Variants in PPP4R3B observed in about 807,000 individuals in gnomAD.
PPP4R3B encodes the protein serine/threonine-protein phosphatase 4 regulatory subunit 3B.
A neutral mutation model predicts 95.4 loss-of-function variants in PPP4R3B; 52 were observed. The observed-to-expected ratio is 0.54, with a 90% CI of 0.44 to 0.69. PPP4R3B has a LOEUF of 0.69. Among genes scored for constraint, PPP4R3B ranks in the 30% least tolerant of loss-of-function variants. The pLI is 0.00. For synonymous variants in PPP4R3B, 407 were observed against 343.9 expected, an observed-to-expected ratio of 1.18 and a Z score of -2.03; for missense variants, 1,003 against 1,005.9, an observed-to-expected ratio of 1.00 and a Z score of 0.04.
In PPP4R3B at chr2:55,598,332, A is replaced by C. The variant is rs1281922596; in HGVS notation, c.921+84T>G. ...TTAAACAAAATAAATCTTTCAAAAA[A>C]TAGAGGGTATAAACACCTGCTTGAA... On this transcript the variant is annotated intron_variant, in intron 4 of 16. Transcript: ENST00000616407. The C allele has an allele frequency of 7.5e-6, 10 of 1,339,314 alleles. No individual in the cohort carries two copies. In the East Asian group the frequency reaches 9.5e-5, roughly 13 times the overall value. The allele number at this position is 1,339,314 out of a possible 1,614,324, so 83.0% of individuals were successfully genotyped here. A position where few individuals can be genotyped will look rare whatever the true frequency, so the allele number is the denominator to read the frequency against.
chr2:55,564,754 A>AG, intron 14 of PPP4R3B, 148 bp downstream of exon 14: 1 of 853,996 alleles, frequency 1.2e-6, no homozygotes, highest in Admixed American at 3.1e-5. Context: ...GATATGGGGT[A>AG]GGGGGGACGC....
chr2:55,598,708 A>G lies in PPP4R3B; in HGVS notation c.629T>C (p.Phe210Ser), dbSNP rs79146946. The change falls in exon 4 of 17, where the codon TTT becomes TCT. Residue 210 changes from phenylalanine (F) to serine (S), a missense_variant. Around this residue, in one of 3 missense-constraint regions of PPP4R3B, gnomAD observed 695 missense variants for 686.2 expected, o/e 1.01. Transcript: ENST00000616407. ...ACACTCATCAGAAAACATTACCTCA[A>G]AAAGAGTTGCCTTATTTAGGAATAA... ...GILFLNKATL[F>S]EVMFSDECIM... 4.1e-3 allele frequency: 6,623 copies of G among 1,614,208 alleles called. 22 individuals carry two copies. The highest frequency in any genetic ancestry group is 5.1e-3 in the Non-Finnish European group (5,970 of 1,180,038).
intron 12 of PPP4R3B, among the ~76,000 whole-genome samples, chr2:55,572,660 G>A (rs1053643055): frequency 6.6e-6 from 1 of 152,122 alleles, no homozygotes; most frequent in African/African-American, 2.4e-5. Flanking sequence ...ACATTAAAAA[G>A]TATAAAACAG....
In PPP4R3B at chr2:55,549,288, A is replaced by G. The variant is rs1362990455; in HGVS notation, c.*623T>C. ...GTTTGAATTGAGCTTGTTTTCATCA[A>G]TATACATATTGAAAATTCCTGGTGT... On this transcript the variant is annotated 3_prime_UTR_variant, in exon 17 of 17. Transcript: ENST00000616407. 1 of 152,902 alleles carries G rather than the reference A, an allele frequency of 6.5e-6. No individual in the cohort carries two copies. The highest frequency in any genetic ancestry group is 2.4e-5 in the African/African-American group (1 of 41,456). The allele number at this position is 152,902 out of a possible 1,614,324, so 9.5% of individuals were successfully genotyped here. A position where few individuals can be genotyped will look rare whatever the true frequency, so the allele number is the denominator to read the frequency against.
chr2:55,584,578 T>C lies in PPP4R3B; in HGVS notation c.1233+473A>G, dbSNP rs150851012. On this transcript the variant is annotated intron_variant, in intron 7 of 16. Transcript: ENST00000616407. ...ATCCTCATAGCTTAGCTCTCACTTA[T>C]GAGTTGAGAACATACGATGTTTGGT... 2.0e-4 allele frequency among the ~76,000 whole-genome samples: 31 copies of C among 152,336 alleles called. No homozygotes were observed. In the East Asian group the frequency reaches 5.4e-3, roughly 27 times the overall value.
rs558897062 is a variant in PPP4R3B at position 55,612,945 on chromosome 2, C to CAAA, written c.198+2503_198+2505dup. ...TGGACGACAGAGCGAGACTCCATCT[C>CAAA]AAAAAAAAAAAAAAAATTAGTCAAG... is the stretch of plus-strand genomic sequence containing the variant. On this transcript the variant is annotated intron_variant, in intron 2 of 16. Transcript: ENST00000616407. Among the ~76,000 whole-genome samples the CAAA allele has an allele frequency of 3.1e-3, 381 of 121,070 alleles. 3 individuals carry two copies. Among genetic ancestry groups the CAAA allele is most frequent in the Admixed American group, 5.5e-3 (64 of 11,668 alleles). 79.4% of individuals were successfully genotyped at this position (121,070 alleles called of 152,430 possible). A position where few individuals can be genotyped will look rare whatever the true frequency, so the allele number is the denominator to read the frequency against.
chr2:55,558,738 G>A (rs1553461022), intron 16 of PPP4R3B, 37 bp downstream of exon 16: 12 of 1,406,722 alleles, frequency 8.5e-6, no homozygotes. Flanking sequence ...TCACAGACGG[G>A]AAAAGCAAAG....
chr2:55,595,864 A>G (rs540551872), intron 4 of PPP4R3B, among the ~76,000 whole-genome samples: 4 of 152,200 alleles, frequency 2.6e-5, no homozygotes, highest in Non-Finnish European at 5.9e-5. Flanking sequence ...GATCCACAAT[A>G]CTAAGTATAT....
chr2:55,553,733 C>T (rs551980227), intron 16 of PPP4R3B, among the ~76,000 whole-genome samples: 1 of 152,252 alleles, frequency 6.6e-6, no homozygotes, highest in South Asian at 2.1e-4. Flanking sequence ...TGGTTTACTT[C>T]AATTACCACA....
chr2:55,567,896 A>G (rs1000504773), intron 13 of PPP4R3B: 1 of 165,506 alleles, frequency 6.0e-6, no homozygotes, highest in African/African-American at 2.4e-5. Context: ...TCAAGTAAAT[A>G]TGGGCTGAAA....
chr2:55,598,365 G>A (rs765438063), intron 4 of PPP4R3B, 51 bp downstream of exon 4: 6 of 1,565,634 alleles, frequency 3.8e-6, no homozygotes, highest in African/African-American at 1.4e-5. Context: ...GAACTATTAA[G>A]GGAACTAAAT....
intron 13 of PPP4R3B, among the ~76,000 whole-genome samples, chr2:55,566,146 T>C (rs1347914319): frequency 6.6e-6 from 1 of 152,112 alleles, no homozygotes; most frequent in Non-Finnish European, 1.5e-5. Flanking sequence ...AACACACAGG[T>C]CATTTCTTGA....
At chr2:55,611,005 A>AC (rs752500147) in intron 2 of PPP4R3B, among the ~76,000 whole-genome samples, 3 of 151,948 alleles carry the variant, frequency 2.0e-5, no homozygotes, top group Non-Finnish European at 4.4e-5. Flanking sequence ...AGCTGGGACT[A>AC]CAGGTGTGTG....
chr2:55,615,664 G>C (rs1295598670), intron 1 of PPP4R3B, among the ~76,000 whole-genome samples, 158 bp from the exon 2 acceptor site: 1 of 151,892 alleles, frequency 6.6e-6, no homozygotes, highest in Non-Finnish European at 1.5e-5. Flanking sequence ...GACCATTCCA[G>C]CCAACATGGT....
intron 16 of PPP4R3B, among the ~76,000 whole-genome samples, chr2:55,554,060 A>T (rs945913244): frequency 1.3e-5 from 2 of 152,146 alleles, no homozygotes; most frequent in African/African-American, 2.4e-5. Context: ...CAAAGCTGCT[A>T]CACCATTTTA....
At position 55,579,775 on chromosome 2, in the gene PPP4R3B, C is replaced by T. The variant is rs746528353; in HGVS notation, c.1372G>A (p.Glu458Lys). ...AAAAAATTTAGAAATTCACTTTTTT[C>T]GGTTTTCTGAAACATAGAATTTTTT... Reference protein sequence around the residue: ...ENMLATTNKTEKSEFLNFFYN... With the variant: ...ENMLATTNKTKKSEFLNFFYN... The change falls in exon 9 of 17, where the codon GAA (glutamate) becomes AAA (lysine). Residue 458 changes from glutamate (E) to lysine (K), a missense_variant. Glu to Lys is a moderately conservative substitution (Grantham distance 56, BLOSUM62 1). Coordinates refer to ENST00000616407, the MANE Select transcript of PPP4R3B (RefSeq NM_001122964.3). 12 of 1,593,438 alleles carry T rather than the reference C, an allele frequency of 7.5e-6. No individual in the cohort carries two copies. Among genetic ancestry groups the T allele is most frequent in the Non-Finnish European group, 1.0e-5 (12 of 1,171,618 alleles).
intron 11 of PPP4R3B, among the ~76,000 whole-genome samples, chr2:55,574,256 T>C (rs937906546): frequency 1.3e-5 from 2 of 151,308 alleles, no homozygotes; most frequent in African/African-American, 4.9e-5. Flanking sequence ...TTAGGCAGAC[T>C]CTCCAGAAGC....
intron 1 of PPP4R3B, chr2:55,616,435 G>A (rs1332358006): frequency 6.6e-6 from 1 of 152,154 alleles, no homozygotes; most frequent in Non-Finnish European, 1.5e-5. Context: ...ACTATAAAAG[G>A]CATTTTAATT....
chr2:55,603,903 G>T, intron 3 of PPP4R3B, 75 bp downstream of exon 3: 2 of 1,028,506 alleles, frequency 1.9e-6, no homozygotes, highest in Non-Finnish European at 2.9e-6. Flanking sequence ...ATCCTAATAT[G>T]TTTGAAGTAA....
Sources: allele counts gnomAD v4.1 joint callset (sites outside exome capture counted in the v4.1 genomes callset), GRCh38; gene constraint gnomAD v4.1.1; regional missense constraint gnomAD v4.1.1; transcripts MANE v1.5; gene names NCBI Gene and HGNC (gene_info 2026-07-23, HGNC 2026-07-21).